Variants in NMNAT3 observed in about 807,000 individuals in gnomAD.
The protein encoded by NMNAT3 is nicotinamide/nicotinic acid mononucleotide adenylyltransferase 3.
In NMNAT3, 21 loss-of-function variants were observed where a neutral mutation model predicts 24.8. The ratio of observed to expected loss-of-function variants is 0.85; its 90% confidence interval spans 0.60 to 1.22. NMNAT3 has a LOEUF of 1.22. NMNAT3 is among the 50% of genes most tolerant of loss of function. The probability of loss-of-function intolerance (pLI) is 0.00; values close to 1 mark genes in which losing one functional copy is unlikely to be tolerated. For synonymous variants in NMNAT3, 136 were observed against 155.2 expected (o/e 0.88, Z 0.92); for missense variants, 387 against 436.6 (o/e 0.89, Z 1.01).
intron 3 of NMNAT3, among the ~76,000 whole-genome samples, chr3:139,615,164 G>A (rs938765507): frequency 2.6e-5 from 4 of 152,128 alleles, no homozygotes; most frequent in African/African-American, 9.7e-5. Context: ...CCTTTGACAT[G>A]TGCCATTCTT....
At chr3:139,570,451 G>GT (rs1451937265) in intron 6 of NMNAT3, 2 of 152,094 alleles carry the variant, frequency 1.3e-5, no homozygotes, top group East Asian at 1.9e-4. Flanking sequence ...TTTCTGCTCT[G>GT]TTTTTTTCCC....
intron 3 of NMNAT3, among the ~76,000 whole-genome samples, chr3:139,622,201 T>C (rs544658835): frequency 5.5e-4 from 83 of 152,282 alleles, no homozygotes; most frequent in African/African-American, 1.9e-3. Context: ...TTCTCACCAA[T>C]AGTTTACAAG....
At chr3:139,675,783 T>C (rs1043109441) in intron 1 of NMNAT3, among the ~76,000 whole-genome samples, 3 of 152,230 alleles carry the variant, frequency 2.0e-5, no homozygotes, top group African/African-American at 7.2e-5. Flanking sequence ...GCTCTATGTA[T>C]TTTAGGTCCT....
At chr3:139,671,491 C>G (rs577527023) in intron 1 of NMNAT3, among the ~76,000 whole-genome samples, 5 of 152,118 alleles carry the variant, frequency 3.3e-5, no homozygotes, top group African/African-American at 1.2e-4. Flanking sequence ...CAGAAGAAGC[C>G]AAAAGGTAGC....
intron 1 of NMNAT3, among the ~76,000 whole-genome samples, chr3:139,654,877 C>T (rs1188314965): frequency 6.6e-6 from 1 of 152,142 alleles, no homozygotes; most frequent in Non-Finnish European, 1.5e-5. Flanking sequence ...AAAGACACAC[C>T]ACAGTCATGC....
intron 3 of NMNAT3, among the ~76,000 whole-genome samples, chr3:139,592,162 T>C (rs1234941257): frequency 2.0e-5 from 3 of 152,012 alleles, no homozygotes; most frequent in South Asian, 2.1e-4. Flanking sequence ...TCGAGAACTA[T>C]GTGAAGAATG....
rs866566836 is a variant in NMNAT3 at position 139,596,950 on chromosome 3, A to T, written c.110-13742T>A. 3.3e-4 allele frequency among the ~76,000 whole-genome samples: 25 copies of T among 75,272 alleles called. 1 individual carries two copies. Among genetic ancestry groups the T allele is most frequent in the Middle Eastern group, 5.0e-3 (1 of 200 alleles). 49.4% of individuals were successfully genotyped at this position (75,272 alleles called of 152,430 possible). ...TATATATATATATATATATATATAT[A>T]TATATATATATATATTTTTATTACA... On this transcript the variant is annotated intron_variant, in intron 3 of 6. Coordinates refer to ENST00000643695, the MANE Select transcript of NMNAT3 (RefSeq NM_001320510.2).
At chr3:139,628,409 T>C in intron 2 of NMNAT3, among the ~76,000 whole-genome samples, 1 of 152,268 alleles carries the variant, frequency 6.6e-6, no homozygotes, top group East Asian at 1.9e-4. Context: ...ACATAAAATC[T>C]CTTTACTTCT....
intron 4 of NMNAT3, 101 bp from the exon 5 acceptor site, chr3:139,579,156 G>T: frequency 1.1e-6 from 1 of 941,486 alleles, no homozygotes; most frequent in African/African-American, 1.6e-5. Flanking sequence ...GCCTCATCCT[G>T]AGTGGTAGTA....
chr3:139,614,945 T>C (rs1376355985), intron 3 of NMNAT3, among the ~76,000 whole-genome samples: 1 of 152,256 alleles, frequency 6.6e-6, no homozygotes, highest in Non-Finnish European at 1.5e-5. Context: ...CTATTCCTCC[T>C]GCATTGGCAT....
At chr3:139,651,676 C>T (rs1055700087) in intron 1 of NMNAT3, among the ~76,000 whole-genome samples, 1 of 152,166 alleles carries the variant, frequency 6.6e-6, no homozygotes, top group Non-Finnish European at 1.5e-5. Flanking sequence ...AGGCTGTGTG[C>T]AGAGCTGGCA....
At chr3:139,597,318 C>T (rs2054527924) in intron 3 of NMNAT3, among the ~76,000 whole-genome samples, 1 of 151,886 alleles carries the variant, frequency 6.6e-6, no homozygotes, top group South Asian at 2.1e-4. Flanking sequence ...AAAAAATCCC[C>T]AAGTAGGTGC....
intron 6 of NMNAT3, among the ~76,000 whole-genome samples, chr3:139,561,787 C>T (rs1301400130): frequency 6.6e-6 from 1 of 152,100 alleles, no homozygotes; most frequent in Non-Finnish European, 1.5e-5. Context: ...AAGCCATGGG[C>T]CTTGGACAAG....
chr3:139,616,756 A>G (rs2055522154), intron 3 of NMNAT3, among the ~76,000 whole-genome samples: 1 of 151,984 alleles, frequency 6.6e-6, no homozygotes, highest in South Asian at 2.1e-4. Flanking sequence ...GTTTCTCTTC[A>G]TCCACTCTTC....
At chr3:139,656,885 T>C (rs925690942) in intron 1 of NMNAT3, among the ~76,000 whole-genome samples, 2 of 152,300 alleles carry the variant, frequency 1.3e-5, no homozygotes, top group Admixed American at 6.5e-5. Context: ...TGGATGACAA[T>C]AATAAATCAA....
At chr3:139,624,741 G>A (rs996083758) in intron 3 of NMNAT3, among the ~76,000 whole-genome samples, 4 of 152,296 alleles carry the variant, frequency 2.6e-5, no homozygotes, top group South Asian at 2.1e-4. Flanking sequence ...GAGCCACCGC[G>A]CCATGCGGAG....
At chr3:139,580,387 TG>T (rs1940006508) in intron 4 of NMNAT3, among the ~76,000 whole-genome samples, 1 of 152,188 alleles carries the variant, frequency 6.6e-6, no homozygotes, top group Non-Finnish European at 1.5e-5. Context: ...CCTCCCAAAG[TG>T]CTGGGATTAC....
chr3:139,674,999 T>A (rs1220121369), intron 1 of NMNAT3, among the ~76,000 whole-genome samples: 1 of 152,120 alleles, frequency 6.6e-6, no homozygotes. Flanking sequence ...CATGGGAAAG[T>A]CACACGAGCA....
intron 5 of NMNAT3, chr3:139,575,832 A>C: frequency 8.2e-7 from 1 of 1,212,868 alleles, no homozygotes; most frequent in Non-Finnish European, 1.0e-6. Flanking sequence ...TTGGAGGGCA[A>C]CTGTGGGAGG....
Sources: gnomAD v4.1 joint callset for allele counts (sites outside exome capture counted in the v4.1 genomes callset) on GRCh38, gnomAD v4.1.1 for gene constraint, MANE v1.5 for transcripts, NCBI Gene and HGNC (gene_info 2026-07-23, HGNC 2026-07-21) for gene names.